DUSP14: variants seen among roughly 807,000 people sequenced by gnomAD.
The protein encoded by DUSP14 is dual specificity phosphatase 14.
A neutral mutation model predicts 13.2 loss-of-function variants in DUSP14; 5 were observed. The observed-to-expected ratio is 0.38, with a 90% CI of 0.20 to 0.80. The LOEUF is 0.80. Ranked by LOEUF, DUSP14 falls within the 30% of genes least tolerant of loss-of-function variation. DUSP14 has a pLI of 0.44. For missense variants in DUSP14, 185 were observed against 264.0 expected, an observed-to-expected ratio of 0.70 and a Z score of 2.07; for synonymous variants, 91 against 103.4, an observed-to-expected ratio of 0.88 and a Z score of 0.73.
intron 1 of DUSP14, among the ~76,000 whole-genome samples, chr17:37,503,771 C>G (rs999317291): frequency 6.6e-6 from 1 of 152,120 alleles, no homozygotes; most frequent in Admixed American, 6.6e-5. Flanking sequence ...GAATTGATCA[C>G]GTGGAACTGA....
chr17:37,497,432 C>T lies in DUSP14; in HGVS notation c.-181+7474C>T, dbSNP rs151090120. On this transcript the variant is annotated intron_variant, in intron 1 of 2. Coordinates refer to ENST00000617516, the MANE Select transcript of DUSP14 (RefSeq NM_007026.4). ...CTGGGATTACAGGCATGCGCTACCG[C>T]GCCCTGCCTTCAAACTGCTTTTTTG... 1.4e-3 allele frequency among the ~76,000 whole-genome samples: 211 copies of T among 152,240 alleles called. 1 individual carries two copies. Among genetic ancestry groups the T allele is most frequent in the Non-Finnish European group, 2.7e-3 (181 of 68,006 alleles).
chr17:37,498,149 A>G (rs935438250), intron 1 of DUSP14, among the ~76,000 whole-genome samples: 1 of 151,740 alleles, frequency 6.6e-6, no homozygotes, highest in African/African-American at 2.4e-5. Context: ...CACATTTCAC[A>G]TGATATTTCT....
At chr17:37,507,256 G>A (rs1455944846) in intron 1 of DUSP14, among the ~76,000 whole-genome samples, 3 of 152,146 alleles carry the variant, frequency 2.0e-5, no homozygotes, top group Non-Finnish European at 4.4e-5. Flanking sequence ...AAGCAGGTTT[G>A]TTGGCAAAGA....
At chr17:37,506,017 C>T (rs777704293) in intron 1 of DUSP14, among the ~76,000 whole-genome samples, 2 of 152,122 alleles carry the variant, frequency 1.3e-5, no homozygotes, top group Non-Finnish European at 1.5e-5. Flanking sequence ...AATCCCAGCA[C>T]TTTGGGAGGC....
intron 2 of DUSP14, among the ~76,000 whole-genome samples, chr17:37,511,405 C>T (rs2054184135): frequency 1.3e-5 from 2 of 151,914 alleles, no homozygotes. Context: ...CTCAGCCTCC[C>T]GAGTAGCTGG....
At chr17:37,490,270 G>A (rs1272009440) in intron 1 of DUSP14, among the ~76,000 whole-genome samples, 1 of 152,038 alleles carries the variant, frequency 6.6e-6, no homozygotes, top group African/African-American at 2.4e-5. Context: ...CGGGGCTCCA[G>A]CAGCCTCGGC....
At chr17:37,489,871 G>A (rs1478698622), upstream of DUSP14, 1 of 147,852 alleles carries the variant, frequency 6.8e-6, no homozygotes, top group East Asian at 2.0e-4. Flanking sequence ...GGAGGAGGCG[G>A]CGCGCGCGGC....
chr17:37,497,071 C>T (rs887953374), intron 1 of DUSP14, among the ~76,000 whole-genome samples: 2 of 152,014 alleles, frequency 1.3e-5, no homozygotes, highest in Admixed American at 6.6e-5. Context: ...TTTCTCTTCC[C>T]TTCCCACTGA....
chr17:37,495,965 A>G (rs555205256), intron 1 of DUSP14, among the ~76,000 whole-genome samples: 19 of 152,238 alleles, frequency 1.2e-4, no homozygotes, highest in African/African-American at 4.6e-4. Context: ...GCCTGCTTTA[A>G]GTTTTAAGGA....
chr17:37,499,597 CG>C (rs2054092122), intron 1 of DUSP14, among the ~76,000 whole-genome samples: 2 of 152,160 alleles, frequency 1.3e-5, no homozygotes, highest in East Asian at 3.9e-4. Context: ...GGCGCGATCT[CG>C]GCTCACTGCA....
intron 1 of DUSP14, among the ~76,000 whole-genome samples, chr17:37,501,673 G>A (rs151178959): frequency 1.1e-4 from 16 of 152,116 alleles, no homozygotes; most frequent in Non-Finnish European, 1.5e-4. Flanking sequence ...CCACCACCAC[G>A]CCTGGCTAAT....
chr17:37,491,285 T>C (rs1275218440), intron 1 of DUSP14, among the ~76,000 whole-genome samples: 1 of 152,184 alleles, frequency 6.6e-6, no homozygotes, highest in African/African-American at 2.4e-5. Context: ...ACCCCCACAG[T>C]GAACGCCTCT....
chr17:37,506,221 C>T (rs1021833033), intron 1 of DUSP14, among the ~76,000 whole-genome samples: 10 of 152,080 alleles, frequency 6.6e-5, no homozygotes, highest in East Asian at 5.8e-4. Context: ...GCCGAGATAG[C>T]GCCATTGCAC....
intron 1 of DUSP14, among the ~76,000 whole-genome samples, chr17:37,500,073 G>A (rs995520548): frequency 2.0e-5 from 3 of 152,228 alleles, no homozygotes; most frequent in African/African-American, 4.8e-5. Flanking sequence ...CATGGCCTTC[G>A]CCAGTTGCCT....
rs58893696 is a variant in DUSP14, at chr17:37,511,938, C to CTTTTTT, written c.-92-230_-92-225dup. 4.0e-3 allele frequency among the ~76,000 whole-genome samples: 153 copies of CTTTTTT among 38,226 alleles called. 14 individuals carry two copies. Among genetic ancestry groups the CTTTTTT allele is most frequent in the East Asian group, 0.037 (39 of 1,054 alleles). The allele number at this position is 38,226 out of a possible 152,430, so 25.1% of individuals were successfully genotyped here. On this transcript the variant is annotated intron_variant, in intron 2 of 2. Transcript: ENST00000617516. ...GCCCAGCCACCCCCCCCCCACCCCA[C>CTTTTTT]TTTTTTTTTTTTTTTTTTGGACAAT...
At position 37,512,725 on chromosome 17, in the gene DUSP14, C is replaced by T. The variant is rs1392137972; in HGVS notation, c.453C>T (p.Asn151=). 22 of 1,613,924 alleles carry T rather than the reference C, an allele frequency of 1.4e-5. No individual in the cohort carries two copies. Among genetic ancestry groups the T allele is most frequent in the Middle Eastern group, 3.3e-4 (2 of 6,084 alleles). ...VKARRPVIRP[N]VGFWRQLIDY... ...CCCGGCGACCTGTCATCAGGCCCAA[C>T]GTAGGCTTCTGGAGGCAACTGATAG... The change falls in exon 3 of 3, where the codon AAC becomes AAT. Residue 151 remains asparagine, a synonymous_variant. Coordinates refer to ENST00000617516, the MANE Select transcript of DUSP14 (RefSeq NM_007026.4). This position sits in a 1 kb window ranked among gnomAD's most constrained non-coding sequence, Gnocchi z 4.8.
rs182548002 is a variant in DUSP14, at chr17:37,493,049, G to A, written c.-181+3091G>A. On this transcript the variant is annotated intron_variant, in intron 1 of 2. Transcript: ENST00000617516. The stretch of plus-strand genomic sequence containing the variant: ...TGTGTGTATGTATGTATATACACAC[G>A]CACATATATAATTTTTTAAATTTCT... 2.0e-4 allele frequency among the ~76,000 whole-genome samples: 31 copies of A among 152,038 alleles called. No homozygotes were observed. In the East Asian group the frequency reaches 3.3e-3, roughly 16 times the overall value.
upstream of DUSP14, among the ~76,000 whole-genome samples, chr17:37,488,890 C>A (rs1377001406): frequency 1.3e-5 from 2 of 152,294 alleles, no homozygotes; most frequent in East Asian, 3.9e-4. Flanking sequence ...CAAACCCATG[C>A]CTACTCGTTT....
At chr17:37,508,758 TATAA>T (rs1432903515) in intron 1 of DUSP14, among the ~76,000 whole-genome samples, 9 of 145,606 alleles carry the variant, frequency 6.2e-5, no homozygotes, top group African/African-American at 2.0e-4. Flanking sequence ...TATATGTATG[TATAA>T]ATAAATATAT....
Sources: allele counts gnomAD v4.1 joint callset (sites outside exome capture counted in the v4.1 genomes callset), GRCh38; gene constraint gnomAD v4.1.1; non-coding constraint Gnocchi (gnomAD v3.1); transcripts MANE v1.5; gene names NCBI Gene and HGNC (gene_info 2026-07-23, HGNC 2026-07-21).